Variants in TRAPPC9 observed in about 807,000 individuals in gnomAD.
TRAPPC9 encodes the protein IKK2 binding protein.
TRAPPC9 carries 83 observed loss-of-function variants against 124.0 expected under a neutral mutation model. That is an observed-to-expected ratio of 0.67 (90% CI 0.56 to 0.80). TRAPPC9 has a LOEUF of 0.80. Among genes scored for constraint, TRAPPC9 ranks in the 30% least tolerant of loss-of-function variants. TRAPPC9 has a pLI of 0.00. For missense variants in TRAPPC9, 1,302 were observed against 1,508.3 expected (o/e 0.86, Z 2.27); for synonymous variants, 638 against 617.5 (o/e 1.03, Z -0.49).
chr8:140,174,723 C>T (rs2062028337), intron 17 of TRAPPC9, among the ~76,000 whole-genome samples: 1 of 152,184 alleles, frequency 6.6e-6, no homozygotes, highest in Admixed American at 6.5e-5. Flanking sequence ...CAAGGTGCAT[C>T]ATGTCAAAGC....
At chr8:140,043,107 G>A (rs1416003771) in intron 17 of TRAPPC9, among the ~76,000 whole-genome samples, 1 of 152,220 alleles carries the variant, frequency 6.6e-6, no homozygotes, top group Non-Finnish European at 1.5e-5. Context: ...TAAGGAGCTA[G>A]GACTTGGTGA....
At chr8:139,910,388 A>C in intron 19 of TRAPPC9, 88 bp from the exon 20 acceptor site, 5 of 1,272,594 alleles carry the variant, frequency 3.9e-6, no homozygotes, top group Non-Finnish European at 5.7e-6. Flanking sequence ...CCAGCGTGAG[A>C]CACTATAATG....
intron 17 of TRAPPC9, among the ~76,000 whole-genome samples, chr8:140,046,877 T>C (rs1253765246): frequency 6.6e-6 from 1 of 152,238 alleles, no homozygotes; most frequent in African/African-American, 2.4e-5. Context: ...ATTATTTCAC[T>C]CTCTGGAACT....
chr8:140,144,579 C>T (rs2061428979), intron 17 of TRAPPC9, among the ~76,000 whole-genome samples: 1 of 152,162 alleles, frequency 6.6e-6, no homozygotes, highest in African/African-American at 2.4e-5. Flanking sequence ...ACCTCCATCT[C>T]TCAGGTTCAA....
At chr8:140,315,415 A>T (rs1266611445) in intron 9 of TRAPPC9, among the ~76,000 whole-genome samples, 1 of 152,088 alleles carries the variant, frequency 6.6e-6, no homozygotes, top group Non-Finnish European at 1.5e-5. Context: ...ACTCCTTAGT[A>T]AAGGTTATAA....
rs530742526 is a variant in TRAPPC9 at position 140,108,315 on chromosome 8, G to A, written c.2557-84236C>T. On this transcript the variant is annotated intron_variant, in intron 17 of 22. Coordinates refer to ENST00000438773, the MANE Select transcript of TRAPPC9 (RefSeq NM_001160372.4). ...CACTAGGGGCACAGCCCTTCATCAC[G>A]TATCTTAGATACCTGGCAGCCTCTC... Among the ~76,000 whole-genome samples, 7 of 152,296 alleles carry A rather than the reference G, an allele frequency of 4.6e-5. No homozygotes were observed. In the East Asian group the frequency reaches 9.6e-4, roughly 21 times the overall value.
chr8:140,365,236 A>G (rs1385135889), intron 8 of TRAPPC9, among the ~76,000 whole-genome samples: 1 of 152,114 alleles, frequency 6.6e-6, no homozygotes, highest in Non-Finnish European at 1.5e-5. Context: ...TGGCCCACTT[A>G]CAGATGAGAA....
chr8:139,917,058 C>T (rs11774035), intron 19 of TRAPPC9, among the ~76,000 whole-genome samples: 41,397 of 151,812 alleles, frequency 0.27, 6,280 homozygotes, highest in African/African-American at 0.43. Flanking sequence ...GACAAGGAAA[C>T]GGCGTGAACA....
chr8:139,987,847 A>G (rs1837342581), intron 19 of TRAPPC9, among the ~76,000 whole-genome samples: 1 of 152,120 alleles, frequency 6.6e-6, no homozygotes, highest in Non-Finnish European at 1.5e-5. Context: ...GCCTCCGGGC[A>G]AGCCCTGGCC....
At chr8:139,789,429 C>T (rs757504376) in intron 21 of TRAPPC9, among the ~76,000 whole-genome samples, 8 of 152,198 alleles carry the variant, frequency 5.3e-5, no homozygotes, top group Admixed American at 2.0e-4. Flanking sequence ...ACAGCAGCAT[C>T]GCCTGACCCA....
intron 20 of TRAPPC9, among the ~76,000 whole-genome samples, chr8:139,888,000 G>C (rs928576596): frequency 1.3e-5 from 2 of 152,218 alleles, no homozygotes; most frequent in Non-Finnish European, 2.9e-5. Flanking sequence ...TCCTGCACCT[G>C]ACACCCGTGG....
intron 19 of TRAPPC9, among the ~76,000 whole-genome samples, chr8:139,971,309 C>T (rs898864278): frequency 6.6e-6 from 1 of 152,214 alleles, no homozygotes; most frequent in African/African-American, 2.4e-5. Context: ...CTCACTCCCA[C>T]CCTGAACAGC....
Position 140,275,711 on chromosome 8 carries a change from C to A in TRAPPC9, c.2225G>T (p.Gly742Val). The change falls in exon 15 of 23, where the codon GGA (glycine) becomes GTA (valine). Residue 742 changes from glycine to valine, a missense_variant. Physicochemically the swap from Gly to Val is moderately radical, Grantham distance 109. Coordinates refer to ENST00000438773, the MANE Select transcript of TRAPPC9 (RefSeq NM_001160372.4). ...CTCCAGTTTCTCCAATGGTTCCATT[C>A]CAATATTTTCCAATTTAATGATTAG... ...QQLIIKLENI[G>V]MEPLEKLEVT... The A allele has an allele frequency of 6.2e-7, 1 of 1,614,134 alleles. No individual in the cohort carries two copies. Among genetic ancestry groups the A allele is most frequent in the Non-Finnish European group, 8.5e-7 (1 of 1,179,988 alleles).
At chr8:139,770,112 C>G (rs1035002790) in intron 21 of TRAPPC9, among the ~76,000 whole-genome samples, 1 of 152,254 alleles carries the variant, frequency 6.6e-6, no homozygotes, top group African/African-American at 2.4e-5. Context: ...ATCCCGAGTG[C>G]TGGTCTCCCA....
At chr8:139,741,382 C>T (rs1239490682) in intron 21 of TRAPPC9, among the ~76,000 whole-genome samples, 1 of 152,178 alleles carries the variant, frequency 6.6e-6, no homozygotes, top group Non-Finnish European at 1.5e-5. Context: ...ACAGATGACG[C>T]TCTTGAGGTG....
At chr8:140,249,129 C>T (rs893207076) in intron 16 of TRAPPC9, among the ~76,000 whole-genome samples, 13 of 152,016 alleles carry the variant, frequency 8.6e-5, no homozygotes, top group East Asian at 1.9e-4. Flanking sequence ...TTCTGTCATC[C>T]GGACAGTGAG....
intron 21 of TRAPPC9, among the ~76,000 whole-genome samples, chr8:139,816,953 T>C (rs1824878791): frequency 1.3e-5 from 2 of 152,086 alleles, no homozygotes; most frequent in South Asian, 4.1e-4. Flanking sequence ...TTGCTCCAGA[T>C]GATATGCATT....
chr8:140,075,626 T>C (rs866403048), intron 17 of TRAPPC9, among the ~76,000 whole-genome samples: 3 of 152,230 alleles, frequency 2.0e-5, no homozygotes, highest in Non-Finnish European at 2.9e-5. Flanking sequence ...TTGTTAAGCA[T>C]GTATATTATA....
chr8:139,875,943 C>T (rs1009589829), intron 21 of TRAPPC9, among the ~76,000 whole-genome samples: 1 of 151,998 alleles, frequency 6.6e-6, no homozygotes, highest in Non-Finnish European at 1.5e-5. Flanking sequence ...GTGGGCAAGC[C>T]CAGCTGCCAG....
Sources: allele counts gnomAD v4.1 joint callset (sites outside exome capture counted in the v4.1 genomes callset), GRCh38; gene constraint gnomAD v4.1.1; transcripts MANE v1.5; gene names NCBI Gene and HGNC (gene_info 2026-07-23, HGNC 2026-07-21).